SBF2: variants seen among roughly 807,000 people sequenced by gnomAD.
The protein encoded by SBF2 is myotubularin-related protein 13.
SBF2 carries 112 observed loss-of-function variants against 225.2 expected under a neutral mutation model. That is an observed-to-expected ratio of 0.50 (90% CI 0.43 to 0.58). The LOEUF (loss-of-function observed/expected upper bound fraction) is 0.58. Ranked by LOEUF, SBF2 falls within the 20% of genes least tolerant of loss-of-function variation. The pLI is 0.00. For synonymous variants in SBF2, 763 were observed against 773.3 expected (o/e 0.99, Z 0.22); for missense variants, 1,996 against 2,206.2 (o/e 0.90, Z 1.91).
chr11:10,079,840 G>A (rs1339980557), intron 2 of SBF2, among the ~76,000 whole-genome samples: 2 of 152,074 alleles, frequency 1.3e-5, no homozygotes, highest in Non-Finnish European at 2.9e-5. Context: ...AAATCAGCAA[G>A]AGTAAAGCAT....
intron 17 of SBF2, among the ~76,000 whole-genome samples, chr11:9,879,699 G>A (rs1317033360): frequency 6.6e-6 from 1 of 152,176 alleles, no homozygotes; most frequent in African/African-American, 2.4e-5. Flanking sequence ...CAGGCACTAG[G>A]TTAGGTGCTT....
At chr11:10,078,839 C>A (rs1421969136) in intron 2 of SBF2, among the ~76,000 whole-genome samples, 1 of 152,112 alleles carries the variant, frequency 6.6e-6, no homozygotes, top group Non-Finnish European at 1.5e-5. Context: ...CTCTGTGTGA[C>A]CTCTACTACC....
chr11:9,967,961 C>G (rs28460015), intron 14 of SBF2, among the ~76,000 whole-genome samples: 94 of 128,014 alleles, frequency 7.3e-4, no homozygotes, highest in African/African-American at 2.5e-3. Context: ...CTCTCTCTCT[C>G]TCTCTCTCTC....
At chr11:10,075,372 A>G (rs942242215) in intron 2 of SBF2, among the ~76,000 whole-genome samples, 8 of 152,244 alleles carry the variant, frequency 5.3e-5, no homozygotes, top group Non-Finnish European at 8.8e-5. Context: ...TACTCAAGTA[A>G]TGAGTAACAT....
At position 10,180,680 on chromosome 11, in the gene SBF2, C is replaced by T. The variant is rs369328738; in HGVS notation, c.141+13222G>A. Reference sequence around the variant, plus strand: ...AACTTTCTACCCCTATCTCTCTCTACCTCCTCTTTAAGGCCAATAACTCTT... The same window carrying T: ...AACTTTCTACCCCTATCTCTCTCTATCTCCTCTTTAAGGCCAATAACTCTT... On this transcript the variant is annotated intron_variant, in intron 2 of 39. Transcript: ENST00000256190. Among the ~76,000 whole-genome samples the T allele has an allele frequency of 5.9e-5, 9 of 152,216 alleles. No individual in the cohort carries two copies. In the East Asian group the frequency reaches 1.5e-3, roughly 26 times the overall value.
At chr11:10,219,529 CG>C (rs1279083393) in intron 1 of SBF2, among the ~76,000 whole-genome samples, 1 of 152,150 alleles carries the variant, frequency 6.6e-6, no homozygotes, top group African/African-American at 2.4e-5. Context: ...TTTGGCTCCT[CG>C]TTACTTACGC....
intron 2 of SBF2, among the ~76,000 whole-genome samples, chr11:10,074,687 G>A (rs531125869): frequency 6.6e-6 from 1 of 152,214 alleles, no homozygotes; most frequent in South Asian, 2.1e-4. Context: ...TATAGACTAG[G>A]GAGAACAGAG....
At chr11:10,198,049 C>T (rs1309758180) in intron 1 of SBF2, among the ~76,000 whole-genome samples, 6 of 152,078 alleles carry the variant, frequency 3.9e-5, no homozygotes, top group East Asian at 1.9e-4. Context: ...TCTAAGCTCC[C>T]GGTTAATAGG....
chr11:9,916,483 A>T (rs1423748937), intron 16 of SBF2, among the ~76,000 whole-genome samples: 1 of 152,164 alleles, frequency 6.6e-6, no homozygotes, highest in African/African-American at 2.4e-5. Flanking sequence ...CATTTTTTTC[A>T]CACTCGGTGA....
chr11:9,916,608 T>TC (rs1863118867), intron 16 of SBF2, among the ~76,000 whole-genome samples: 1 of 146,168 alleles, frequency 6.8e-6, no homozygotes, highest in Non-Finnish European at 1.5e-5. Flanking sequence ...CTTTTTTTTC[T>TC]TTTTTTTGAG....
At chr11:10,294,615 T>A (rs990303014), upstream of SBF2, among the ~76,000 whole-genome samples, 4 of 152,254 alleles carry the variant, frequency 2.6e-5, no homozygotes, top group East Asian at 7.7e-4. Flanking sequence ...GCAAGGAATT[T>A]GCATCGACAG....
intron 32 of SBF2, among the ~76,000 whole-genome samples, chr11:9,806,157 G>C (rs933022284): frequency 2.0e-5 from 3 of 152,164 alleles, no homozygotes; most frequent in African/African-American, 7.2e-5. Context: ...ACATACTTTA[G>C]TGCTATAGAT....
chr11:10,024,594 CAAACT>C (rs982521485), intron 6 of SBF2, among the ~76,000 whole-genome samples: 1 of 152,034 alleles, frequency 6.6e-6, no homozygotes, highest in Non-Finnish European at 1.5e-5. Flanking sequence ...CCCAGACATC[CAAACT>C]ATGTCAGCTC....
At chr11:9,878,654 C>T (rs1346693842) in intron 17 of SBF2, among the ~76,000 whole-genome samples, 1 of 152,188 alleles carries the variant, frequency 6.6e-6, no homozygotes, top group Non-Finnish European at 1.5e-5. Context: ...AATATAGGTA[C>T]TGGAGGTACA....
chr11:10,201,888 A>AT (rs779383652), intron 1 of SBF2, among the ~76,000 whole-genome samples: 7 of 152,250 alleles, frequency 4.6e-5, no homozygotes, highest in Non-Finnish European at 1.0e-4. Context: ...AAAAAAATGC[A>AT]TTTTTAAGTT....
At chr11:10,200,924 C>T (rs111471011) in intron 1 of SBF2, among the ~76,000 whole-genome samples, 2,807 of 152,116 alleles carry the variant, frequency 0.018, 45 homozygotes, top group Non-Finnish European at 0.031. Context: ...TATAATTTCC[C>T]GATAATAATC....
chr11:9,971,774 A>C (rs1946469592), intron 13 of SBF2, among the ~76,000 whole-genome samples: 1 of 152,222 alleles, frequency 6.6e-6, no homozygotes, highest in South Asian at 2.1e-4. Context: ...AGTTCATCCT[A>C]AACTTCATAG....
At chr11:9,827,549 G>T (rs1855142732) in intron 28 of SBF2, among the ~76,000 whole-genome samples, 1 of 138,766 alleles carries the variant, frequency 7.2e-6, no homozygotes, top group Non-Finnish European at 1.6e-5. Context: ...AAAAAAAAAA[G>T]AATCTGGTCT....
intron 2 of SBF2, among the ~76,000 whole-genome samples, chr11:10,068,592 G>A (rs1366176490): frequency 6.6e-6 from 1 of 152,080 alleles, no homozygotes; most frequent in African/African-American, 2.4e-5. Context: ...AAAATACTGT[G>A]ATATACCTTA....
Sources: gnomAD v4.1 joint callset for allele counts (sites outside exome capture counted in the v4.1 genomes callset) on GRCh38, gnomAD v4.1.1 for gene constraint, MANE v1.5 for transcripts, NCBI Gene and HGNC (gene_info 2026-07-23, HGNC 2026-07-21) for gene names.